The following ACSL1 variants were observed in gnomAD, a reference collection of about 807,000 sequenced individuals.
ACSL1 encodes acyl-CoA synthetase long chain family member 1, also known as long-chain-fatty-acid--CoA ligase 1.
In ACSL1, 41 loss-of-function variants were observed where a neutral mutation model predicts 98.4. The ratio of observed to expected loss-of-function variants is 0.42; its 90% CI spans 0.32 to 0.54. The LOEUF is 0.54. ACSL1 is among the 20% of genes least tolerant of loss of function. The pLI, the probability that ACSL1 is intolerant of heterozygous loss-of-function variation, is 0.13. For missense variants in ACSL1, 734 were observed against 883.1 expected (o/e 0.83, Z 2.14); for synonymous variants, 316 against 322.7 (o/e 0.98, Z 0.22).
intron 4 of ACSL1, among the ~76,000 whole-genome samples, chr4:184,781,553 T>TA (rs1418321018): frequency 2.0e-5 from 3 of 152,190 alleles, no homozygotes; most frequent in South Asian, 2.1e-4. Flanking sequence ...CTAAAATTTT[T>TA]AAAAAATCTT....
At chr4:184,809,012 C>G (rs1771765785) in intron 1 of ACSL1, among the ~76,000 whole-genome samples, 1 of 152,208 alleles carries the variant, frequency 6.6e-6, no homozygotes, top group African/African-American at 2.4e-5. Flanking sequence ...CAGTTATTCC[C>G]ACCCACTGCC....
chr4:184,800,313 C>T (rs1178983113), intron 2 of ACSL1, among the ~76,000 whole-genome samples: 2 of 152,178 alleles, frequency 1.3e-5, no homozygotes, highest in Non-Finnish European at 2.9e-5. Flanking sequence ...TCTGCCCCAT[C>T]CCTCTTTTCC....
At chr4:184,799,653 G>C (rs1197848148) in intron 2 of ACSL1, among the ~76,000 whole-genome samples, 2 of 152,114 alleles carry the variant, frequency 1.3e-5, no homozygotes, top group African/African-American at 4.8e-5. Context: ...TTTGAGACCA[G>C]CCTGGGCAAC....
At position 184,783,970 on chromosome 4, in the gene ACSL1, G is replaced by A; in HGVS notation, c.332C>T (p.Ser111Phe). 6.2e-7 allele frequency: 1 copy of A among 1,613,856 alleles called. No individual in the cohort carries two copies. Among genetic ancestry groups the A allele is most frequent in the African/African-American group, 1.3e-5 (1 of 75,006 alleles). Residue 111 changes from serine to phenylalanine, a missense_variant, in exon 4 of 21, where the codon TCT becomes TTT. Coordinates refer to ENST00000281455, the MANE Select transcript of ACSL1 (RefSeq NM_001995.5). ...QVSNNGPCLG[S>F]RKPDQPYEWL... is the part of the protein sequence containing the mutation. ...TTCATAGGGTTGGTCTGGTTTCCGAGAGCCTAAACAAGGGCCATTATCTAA... is the reference window on the plus strand; with the variant it reads ...TTCATAGGGTTGGTCTGGTTTCCGAAAGCCTAAACAAGGGCCATTATCTAA...
Position 184,757,251 on chromosome 4 carries a change from T to C in ACSL1, c.1971A>G (p.Thr657=), listed in dbSNP as rs375846608. The C allele has an allele frequency of 1.8e-5, 29 of 1,599,798 alleles. No individual in the cohort carries two copies. Among genetic ancestry groups the C allele is most frequent in the Non-Finnish European group, 2.5e-5 (29 of 1,168,880 alleles). ...CGATAGAAAATAATTCAGGGTGCAA[T>C]GTGATGCCTTTGACCTGCCAATAAA... is the stretch of plus-strand genomic sequence containing the variant. The part of the protein sequence containing the change: ...LKPFEQVKGI[T]LHPELFSIDN... The change falls in exon 21 of 21, where the codon ACA becomes ACG. Residue 657 remains threonine (T), a synonymous_variant. Coordinates refer to ENST00000281455, the MANE Select transcript of ACSL1 (RefSeq NM_001995.5). The surrounding 1 kb of genome is among the most constrained non-coding windows in gnomAD (Gnocchi z 4.5).
chr4:184,766,578 G>A lies in ACSL1; in HGVS notation c.1263+44C>T, dbSNP rs776058596. 2 of 1,590,410 alleles carry A rather than the reference G, an allele frequency of 1.3e-6. No individual in the cohort carries two copies. Among genetic ancestry groups the A allele is most frequent in the Non-Finnish European group, 1.7e-6 (2 of 1,162,728 alleles). On this transcript the variant is annotated intron_variant, in intron 13 of 20. Coordinates refer to ENST00000281455, the MANE Select transcript of ACSL1 (RefSeq NM_001995.5). This position sits in a 1 kb window ranked among gnomAD's most constrained non-coding sequence, Gnocchi z 4.8. Reference sequence around the variant, plus strand: ...AGGCCCTCCCAGAACTCTGAAAAGCGAAGTCGGTTTCCATGGGAGCAGTGG... The same window carrying A: ...AGGCCCTCCCAGAACTCTGAAAAGCAAAGTCGGTTTCCATGGGAGCAGTGG...
At chr4:184,821,790 T>C (rs1445624671) in intron 1 of ACSL1, among the ~76,000 whole-genome samples, 1 of 152,220 alleles carries the variant, frequency 6.6e-6, no homozygotes, top group African/African-American at 2.4e-5. Flanking sequence ...TAACAACGTG[T>C]AAAAAAGCCC....
At chr4:184,811,305 G>T (rs552696861) in intron 1 of ACSL1, among the ~76,000 whole-genome samples, 1 of 151,880 alleles carries the variant, frequency 6.6e-6, no homozygotes, top group Non-Finnish European at 1.5e-5. Flanking sequence ...GTAGAGACGG[G>T]GTTTCACCGT....
Position 184,825,207 on chromosome 4 carries a change from C to T in ACSL1, c.-33+709G>A, listed in dbSNP as rs1319213902. 1.0e-6 allele frequency: 1 copy of T among 985,292 alleles called. No individual in the cohort carries two copies. The highest frequency in any genetic ancestry group is 1.2e-6 in the Non-Finnish European group (1 of 829,936). 61.0% of individuals were successfully genotyped at this position (985,292 alleles called of 1,614,324 possible). Reference sequence around the variant, plus strand: ...TGTCCCCAGACTCGAATCCACGTGTCCATTCAAGTCATCTACCGCCACTCT... The same window carrying T: ...TGTCCCCAGACTCGAATCCACGTGTTCATTCAAGTCATCTACCGCCACTCT... On this transcript the variant is annotated intron_variant, in intron 1 of 20. Coordinates refer to ENST00000281455, the MANE Select transcript of ACSL1 (RefSeq NM_001995.5). The surrounding 1 kb of genome is among the most constrained non-coding windows in gnomAD (Gnocchi z 4.7).
Position 184,780,453 on chromosome 4 carries a change from G to A in ACSL1, c.376-20C>T. The A allele has an allele frequency of 6.3e-7, 1 of 1,599,018 alleles. No homozygotes were observed. The highest frequency in any genetic ancestry group is 1.1e-5 in the South Asian group (1 of 90,510). ...TGCAACCTAAAATGGAGAGGAAAAAGTCAGAAGCAGCATTGGGCCCCAACT... is the reference window on the plus strand; with the variant it reads ...TGCAACCTAAAATGGAGAGGAAAAAATCAGAAGCAGCATTGGGCCCCAACT... On this transcript the variant is annotated intron_variant, in intron 4 of 20. Transcript: ENST00000281455.
chr4:184,758,018 G>T, intron 18 of ACSL1, 98 bp from the exon 19 acceptor site: 1 of 1,213,056 alleles, frequency 8.2e-7, no homozygotes, highest in Non-Finnish European at 1.2e-6. Context: ...GGGAGAATAT[G>T]ATGAAAGTTA....
intron 1 of ACSL1, among the ~76,000 whole-genome samples, chr4:184,811,544 G>T (rs1772120446): frequency 6.6e-6 from 1 of 152,068 alleles, no homozygotes; most frequent in Non-Finnish European, 1.5e-5. Context: ...GCCATGACAT[G>T]GATGAAGCAA....
intron 3 of ACSL1, among the ~76,000 whole-genome samples, chr4:184,785,154 C>T (rs1447678428): frequency 1.3e-5 from 2 of 152,208 alleles, no homozygotes; most frequent in Admixed American, 6.5e-5. Flanking sequence ...GCAACCAAGA[C>T]CATATGGCAC....
chr4:184,822,069 T>C (rs1463656013), intron 1 of ACSL1, among the ~76,000 whole-genome samples: 2 of 152,238 alleles, frequency 1.3e-5, no homozygotes, highest in African/African-American at 2.4e-5. Flanking sequence ...CAGAATTTTA[T>C]TTAAACTTGA....
intron 1 of ACSL1, chr4:184,813,981 T>C: frequency 4.6e-6 from 2 of 435,528 alleles, no homozygotes; most frequent in South Asian, 3.1e-5. Context: ...GTGGTGACTA[T>C]GGAAATAAAC....
At chr4:184,772,401 T>C (rs79872512) in intron 10 of ACSL1, among the ~76,000 whole-genome samples, 7,107 of 152,258 alleles carry the variant, frequency 0.047, 557 homozygotes, top group African/African-American at 0.16. Context: ...AAGCCAATTA[T>C]GTTAAATGTA....
intron 3 of ACSL1, among the ~76,000 whole-genome samples, chr4:184,787,913 G>A (rs1188486628): frequency 6.6e-6 from 1 of 151,482 alleles, no homozygotes; most frequent in Admixed American, 6.6e-5. Flanking sequence ...CACACCTGTA[G>A]TCCCAGTGCT....
At chr4:184,801,876 C>T (rs1370031776) in intron 2 of ACSL1, among the ~76,000 whole-genome samples, 2 of 152,208 alleles carry the variant, frequency 1.3e-5, no homozygotes, top group Non-Finnish European at 2.9e-5. Flanking sequence ...CACGTAAGTG[C>T]CCCCACAATT....
intron 4 of ACSL1, among the ~76,000 whole-genome samples, chr4:184,782,160 A>G (rs143260947): frequency 6.6e-6 from 1 of 152,318 alleles, no homozygotes; most frequent in East Asian, 1.9e-4. Flanking sequence ...GTTGCATTTA[A>G]GGAATCAGAG....
Sources: gnomAD v4.1 joint callset for allele counts (sites outside exome capture counted in the v4.1 genomes callset) on GRCh38, gnomAD v4.1.1 for gene constraint, Gnocchi (gnomAD v3.1) non-coding constraint, MANE v1.5 for transcripts, NCBI Gene and HGNC (gene_info 2026-07-23, HGNC 2026-07-21) for gene names.